The following PUM2 variants were observed in gnomAD, a reference collection of about 807,000 sequenced individuals.
PUM2 encodes the protein pumilio homolog 2.
In PUM2, 57 loss-of-function variants were observed where a neutral mutation model predicts 124.5. The ratio of observed to expected loss-of-function variants is 0.46; its 90% CI spans 0.37 to 0.57. The LOEUF (loss-of-function observed/expected upper bound fraction) is 0.57. Among genes scored for constraint, PUM2 ranks in the 20% least tolerant of loss-of-function variants. The probability of loss-of-function intolerance (pLI) is 0.00; values close to 1 mark genes in which losing one functional copy is unlikely to be tolerated. For synonymous variants in PUM2, 460 were observed against 446.1 expected (o/e 1.03, Z -0.39); for missense variants, 1,065 against 1,290.6 (o/e 0.83, Z 2.68).
At chr2:20,342,078 G>C (rs1310897380) in intron 1 of PUM2, among the ~76,000 whole-genome samples, 1 of 148,840 alleles carries the variant, frequency 6.7e-6, no homozygotes, top group African/African-American at 2.5e-5. Flanking sequence ...GCATGGAGCG[G>C]AGATTGCGCC....
At chr2:20,327,843 G>A (rs1356759729) in intron 1 of PUM2, among the ~76,000 whole-genome samples, 2 of 152,154 alleles carry the variant, frequency 1.3e-5, no homozygotes, top group Non-Finnish European at 2.9e-5. Flanking sequence ...AGAGCTGCTG[G>A]AAAGTAAGAA....
At chr2:20,303,435 G>GTTTT (rs11444507) in intron 7 of PUM2, among the ~76,000 whole-genome samples, 52 of 129,762 alleles carry the variant, frequency 4.0e-4, no homozygotes, top group Non-Finnish European at 7.6e-4. Context: ...AAGCTTTCAA[G>GTTTT]TTTTTTTTTT....
At chr2:20,264,710 A>G (rs1667230144) in intron 13 of PUM2, among the ~76,000 whole-genome samples, 1 of 152,132 alleles carries the variant, frequency 6.6e-6, no homozygotes, top group Admixed American at 6.6e-5. Context: ...TTATATGCAA[A>G]ATCTATGCAG....
chr2:20,311,693 A>G (rs764616819), intron 4 of PUM2, 30 bp from the exon 5 acceptor site: 24 of 1,598,116 alleles, frequency 1.5e-5, no homozygotes, highest in South Asian at 2.3e-5. Flanking sequence ...TTGATTCTGA[A>G]TATTTAATAG....
intron 14 of PUM2, among the ~76,000 whole-genome samples, chr2:20,260,951 T>C (rs971476316): frequency 2.6e-5 from 4 of 152,114 alleles, no homozygotes; most frequent in African/African-American, 7.2e-5. Context: ...ACATTTCAAT[T>C]GACAACAAGC....
chr2:20,272,496 T>A (rs2148732028), intron 13 of PUM2, among the ~76,000 whole-genome samples: 1 of 152,328 alleles, frequency 6.6e-6, no homozygotes, highest in East Asian at 1.9e-4. Context: ...TGAGTAGGTC[T>A]ATTTCTGGAT....
At chr2:20,332,466 G>T (rs1685131706) in intron 1 of PUM2, among the ~76,000 whole-genome samples, 1 of 151,398 alleles carries the variant, frequency 6.6e-6, no homozygotes, top group African/African-American at 2.4e-5. Context: ...TTCAGTTTAG[G>T]GTGTTACTGT....
chr2:20,310,158 A>AG (rs755159263), intron 5 of PUM2, among the ~76,000 whole-genome samples: 1 of 152,134 alleles, frequency 6.6e-6, no homozygotes, highest in Non-Finnish European at 1.5e-5. Flanking sequence ...TAGTGACCGT[A>AG]TGACCACAGC....
chr2:20,336,765 T>G, intron 1 of PUM2, among the ~76,000 whole-genome samples: 1 of 109,818 alleles, frequency 9.1e-6, no homozygotes, highest in African/African-American at 3.6e-5. Context: ...TGTGTGTGTG[T>G]GTGTGTGTGT....
chr2:20,321,273 G>A (rs1235398581), intron 2 of PUM2, among the ~76,000 whole-genome samples: 1 of 152,040 alleles, frequency 6.6e-6, no homozygotes. Context: ...GCGACAGAGC[G>A]AGACTCTGTC....
At chr2:20,294,284 G>GAAAC in intron 9 of PUM2, 92 bp downstream of exon 9, 1 of 1,433,708 alleles carries the variant, frequency 7.0e-7, no homozygotes, top group Non-Finnish European at 9.5e-7. Flanking sequence ...ACACAGTGAG[G>GAAAC]AAACGTAAGT....
At chr2:20,300,789 A>G (rs78897016) in intron 7 of PUM2, among the ~76,000 whole-genome samples, 26 of 148,204 alleles carry the variant, frequency 1.8e-4, no homozygotes, top group East Asian at 2.0e-4. Flanking sequence ...TTGAAAGAGA[A>G]AAAAAAAAAA....
At chr2:20,352,066 G>C (rs1221681502), upstream of PUM2, 1 of 152,324 alleles carries the variant, frequency 6.6e-6, no homozygotes. Context: ...TACTGTCTCT[G>C]TAATTGGCAG....
At chr2:20,329,514 G>A (rs1025843211) in intron 1 of PUM2, among the ~76,000 whole-genome samples, 4 of 151,800 alleles carry the variant, frequency 2.6e-5, no homozygotes, top group Admixed American at 2.0e-4. Context: ...CAGACTGGAC[G>A]GTCTTGGGTA....
At chr2:20,294,217 A>G (rs1674936680) in intron 9 of PUM2, among the ~76,000 whole-genome samples, 159 bp downstream of exon 9, 1 of 152,234 alleles carries the variant, frequency 6.6e-6, no homozygotes, top group African/African-American at 2.4e-5. Flanking sequence ...CTGATTAGGA[A>G]AAATAAAATC....
chr2:20,324,876 G>A (rs548190816), intron 2 of PUM2, among the ~76,000 whole-genome samples: 1 of 148,932 alleles, frequency 6.7e-6, no homozygotes, highest in African/African-American at 2.5e-5. Context: ...ACAACAGTAA[G>A]CAAAAACTAT....
chr2:20,278,683 T>C lies in PUM2; in HGVS notation c.1857A>G (p.Pro619=). 1 of 1,613,632 alleles carries C rather than the reference T, an allele frequency of 6.2e-7. No individual in the cohort carries two copies. The highest frequency in any genetic ancestry group is 8.5e-7 in the Non-Finnish European group (1 of 1,179,714). Residue 619 remains proline, a synonymous_variant, in exon 13 of 21, where the codon CCA becomes CCG. Coordinates refer to ENST00000361078, the MANE Select transcript of PUM2 (RefSeq NM_015317.5). ...TTGGCAGAGGCATGCCTATTGGACTTGGAGAGGAGGAAAATCCCAGACTAT... is the reference window on the plus strand; with the variant it reads ...TTGGCAGAGGCATGCCTATTGGACTCGGAGAGGAGGAAAATCCCAGACTAT... The part of the protein sequence containing the change: ...FYNSLGFSSS[P]SPIGMPLPSQ...
chr2:20,282,788 G>T (rs1173410863), intron 12 of PUM2, among the ~76,000 whole-genome samples, 159 bp downstream of exon 12: 1 of 152,182 alleles, frequency 6.6e-6, no homozygotes, highest in Non-Finnish European at 1.5e-5. Context: ...GTGTTGAAAA[G>T]ATTTGCAGGA....
At chr2:20,326,098 A>C (rs1049224803) in intron 2 of PUM2, among the ~76,000 whole-genome samples, 3 of 152,240 alleles carry the variant, frequency 2.0e-5, no homozygotes, top group Non-Finnish European at 4.4e-5. Context: ...TGCCAATAGC[A>C]TAAATAATGC....
Sources: gnomAD v4.1 joint callset for allele counts (sites outside exome capture counted in the v4.1 genomes callset) on GRCh38, gnomAD v4.1.1 for gene constraint, MANE v1.5 for transcripts, NCBI Gene and HGNC (gene_info 2026-07-23, HGNC 2026-07-21) for gene names.